The following ZNF131 variants were observed in gnomAD, a reference collection of about 807,000 sequenced individuals.
ZNF131 encodes the protein zinc finger protein 131.
Under a neutral mutation model 60.0 loss-of-function variants are expected in ZNF131, and 7 were observed. The observed-to-expected ratio is 0.12, with a 90% CI of 0.07 to 0.22. The LOEUF (loss-of-function observed/expected upper bound fraction) is 0.22, where lower values mean the gene tolerates loss of function less well. ZNF131 is among the 10% of genes least tolerant of loss of function. ZNF131 has a pLI of 1.00. For synonymous variants in ZNF131, 257 were observed against 253.2 expected, an observed-to-expected ratio of 1.01 and a Z score of -0.14; for missense variants, 493 against 740.9, an observed-to-expected ratio of 0.67 and a Z score of 3.88.
At chr5:43,173,566 A>G in intron 6 of ZNF131, 118 bp downstream of exon 6, 1 of 1,281,942 alleles carries the variant, frequency 7.8e-7, no homozygotes, top group Admixed American at 2.9e-5. Flanking sequence ...TTGGAAAGAA[A>G]TGAGAATAAA....
chr5:43,143,098 C>T (rs1310949629), intron 4 of ZNF131, among the ~76,000 whole-genome samples: 3 of 151,118 alleles, frequency 2.0e-5, no homozygotes, highest in Non-Finnish European at 4.4e-5. Flanking sequence ...TCTCGGCTCA[C>T]TGCAACCTCT....
intron 4 of ZNF131, among the ~76,000 whole-genome samples, chr5:43,159,475 C>T (rs985192912): frequency 1.3e-5 from 2 of 152,002 alleles, no homozygotes; most frequent in South Asian, 2.1e-4. Context: ...GGGCAGATCA[C>T]CTGAGGTCAG....
At chr5:43,158,917 C>G (rs1561432416) in intron 4 of ZNF131, among the ~76,000 whole-genome samples, 1 of 151,814 alleles carries the variant, frequency 6.6e-6, no homozygotes, top group Non-Finnish European at 1.5e-5. Flanking sequence ...TTTTACTCTA[C>G]TTGCAAGCCT....
chr5:43,125,205 A>G (rs1744372568), intron 3 of ZNF131, among the ~76,000 whole-genome samples: 1 of 152,158 alleles, frequency 6.6e-6, no homozygotes, highest in South Asian at 2.1e-4. Context: ...TACAAAGACT[A>G]TTACTGTGAA....
At chr5:43,164,948 C>CCTCTCCT (rs146078563) in intron 5 of ZNF131, among the ~76,000 whole-genome samples, 14,685 of 152,052 alleles carry the variant, frequency 0.097, 830 homozygotes, top group East Asian at 0.19. Flanking sequence ...TCTCTTCTCT[C>CCTCTCCT]CTCTCCTCTC....
chr5:43,155,057 G>A (rs996427290), intron 4 of ZNF131, among the ~76,000 whole-genome samples: 8 of 152,204 alleles, frequency 5.3e-5, no homozygotes, highest in African/African-American at 1.9e-4. Flanking sequence ...CAGAGGCTGA[G>A]CACTTGCAGC....
chr5:43,143,083 C>T (rs923911901), intron 4 of ZNF131, among the ~76,000 whole-genome samples: 3 of 147,764 alleles, frequency 2.0e-5, no homozygotes, highest in Admixed American at 6.9e-5. Context: ...AGTGCAGTGG[C>T]GTGATCTCGG....
At chr5:43,169,032 A>T (rs1445592427) in intron 5 of ZNF131, among the ~76,000 whole-genome samples, 2 of 152,246 alleles carry the variant, frequency 1.3e-5, no homozygotes, top group African/African-American at 4.8e-5. Flanking sequence ...CCTAGAGGTA[A>T]CCTTTAGCCA....
intron 5 of ZNF131, among the ~76,000 whole-genome samples, chr5:43,163,290 T>G (rs1030206536): frequency 1.3e-5 from 2 of 152,180 alleles, no homozygotes; most frequent in Non-Finnish European, 2.9e-5. Flanking sequence ...TGTTTATACT[T>G]TTTAATGTAC....
rs548414566 is a variant in ZNF131, at chr5:43,143,029, T to G, written c.371+3720T>G. Among the ~76,000 whole-genome samples, 702 of 149,538 alleles carry G rather than the reference T, an allele frequency of 4.7e-3. 5 individuals carry two copies. The highest frequency in any genetic ancestry group is 0.016 in the African/African-American group (676 of 40,982). ...TTTCTTTTTTTAATCTTTCAAGCTT[T>G]TTTTTTTTTTTTTGAAGACAGAGTC... On this transcript the variant is annotated intron_variant, in intron 4 of 6. Coordinates refer to ENST00000682664, the MANE Select transcript of ZNF131 (RefSeq NM_001330707.2).
intron 3 of ZNF131, among the ~76,000 whole-genome samples, chr5:43,130,588 G>A (rs1357535079): frequency 2.0e-5 from 3 of 151,948 alleles, no homozygotes; most frequent in Non-Finnish European, 4.4e-5. Flanking sequence ...TTTTGAGACA[G>A]CGTTTTGCTC....
At chr5:43,132,244 A>C (rs1163623496) in intron 3 of ZNF131, among the ~76,000 whole-genome samples, 1 of 152,236 alleles carries the variant, frequency 6.6e-6, no homozygotes, top group African/African-American at 2.4e-5. Context: ...CTAAAGAATA[A>C]ATGAAAGCAA....
intron 3 of ZNF131, chr5:43,124,538 A>G (rs1462367541): frequency 2.6e-5 from 4 of 152,182 alleles, no homozygotes; most frequent in South Asian, 2.1e-4. Flanking sequence ...GTATCTTTTA[A>G]TATCTATAAT....
At chr5:43,148,032 C>T (rs951092200) in intron 4 of ZNF131, among the ~76,000 whole-genome samples, 7 of 141,628 alleles carry the variant, frequency 4.9e-5, no homozygotes, top group Non-Finnish European at 7.6e-5. Context: ...CCAGCCTGAG[C>T]GACAAGAGTG....
intron 4 of ZNF131, among the ~76,000 whole-genome samples, chr5:43,157,200 A>G (rs1749071052): frequency 6.6e-6 from 1 of 152,204 alleles, no homozygotes. Flanking sequence ...CTGTCCTCCA[A>G]ATGAATCAGA....
chr5:43,121,338 C>T (rs1743767409), intron 1 of ZNF131, among the ~76,000 whole-genome samples: 1 of 152,208 alleles, frequency 6.6e-6, no homozygotes. Flanking sequence ...TCTGCAGTAG[C>T]CCAAGCCCAC....
chr5:43,132,118 T>G (rs1745441329), intron 3 of ZNF131, among the ~76,000 whole-genome samples: 1 of 152,236 alleles, frequency 6.6e-6, no homozygotes, highest in Non-Finnish European at 1.5e-5. Context: ...CATTCTACTT[T>G]GGAAACACTT....
intron 5 of ZNF131, among the ~76,000 whole-genome samples, chr5:43,169,795 CTT>C (rs199970490): frequency 5.6e-5 from 8 of 142,622 alleles, no homozygotes; most frequent in Admixed American, 1.4e-4. Context: ...GCACTTTTTT[CTT>C]TTTTTTTTTT....
At chr5:43,129,511 G>A (rs570324596) in intron 3 of ZNF131, among the ~76,000 whole-genome samples, 9 of 152,250 alleles carry the variant, frequency 5.9e-5, no homozygotes, top group Admixed American at 2.6e-4. Context: ...TTTTCTAAGG[G>A]TAATGAAAAA....
Sources: allele counts gnomAD v4.1 joint callset (sites outside exome capture counted in the v4.1 genomes callset), GRCh38; gene constraint gnomAD v4.1.1; transcripts MANE v1.5; gene names NCBI Gene and HGNC (gene_info 2026-07-23, HGNC 2026-07-21).